The following ATP11C variants were observed in gnomAD, a reference collection of about 807,000 sequenced individuals.
The protein encoded by ATP11C is ATPase phospholipid transporting 11C (ATP11C blood group), also known as phospholipid-transporting ATPase IG.
In ATP11C, 36 loss-of-function variants were observed where a neutral mutation model predicts 97.4. The observed-to-expected ratio is 0.37, with a 90% CI of 0.28 to 0.49. ATP11C has a LOEUF of 0.49. ATP11C is among the 20% of genes least tolerant of loss of function. The pLI is 0.98. For synonymous variants in ATP11C, 275 were observed against 290.9 expected (o/e 0.95, Z 0.56); for missense variants, 730 against 824.6 (o/e 0.89, Z 1.40).
intron 12 of ATP11C, among the ~76,000 whole-genome samples, chrX:139,795,800 G>A (rs1448139384): frequency 9.0e-6 from 1 of 111,402 alleles, no homozygotes; most frequent in African/African-American, 3.3e-5. Context: ...TGAAATTCTT[G>A]TACTGGAATA....
At position 139,796,541 on chromosome X, in the gene ATP11C, A is replaced by G. The variant is rs753009877; in HGVS notation, c.1009-71T>C. 2.3e-5 allele frequency: 16 copies of G among 692,810 alleles called. No homozygotes were observed. In the African/African-American group the frequency reaches 3.3e-4, roughly 14 times the overall value. The allele number at this position is 692,810 out of a possible 1,213,427, so 57.1% of individuals were successfully genotyped here. Reference sequence around the variant, plus strand: ...TCAGACCAATATAATATAAAGGAAGAATTAATTTCATCTTTATTTCAATGC... The same window carrying G: ...TCAGACCAATATAATATAAAGGAAGGATTAATTTCATCTTTATTTCAATGC... On this transcript the variant is annotated intron_variant, in intron 11 of 29. Coordinates refer to ENST00000682941, the MANE Select transcript of ATP11C (RefSeq NM_001353812.2).
intron 1 of ATP11C, among the ~76,000 whole-genome samples, chrX:139,891,197 C>CAAAAAAAA (rs35280856): frequency 8.5e-5 from 3 of 35,494 alleles, no homozygotes; most frequent in East Asian, 1.0e-3. Flanking sequence ...AGAGATTGGC[C>CAAAAAAAA]AAAAAAAAAA....
In ATP11C at chrX:139,796,282, T is replaced by A. The variant is rs2082793070; in HGVS notation, c.1197A>T (p.Glu399Asp). ...ALVNTSDLNE[E>D]LGQVDYVFTD... The stretch of plus-strand genomic sequence containing the variant: ...AAAACAATGCTCTAACCTGACCAAG[T>A]TCTTCATTAAGGTCTGATGTGTTAA... Residue 399 changes from glutamate to aspartate, a missense_variant, in exon 12 of 30, where the codon GAA becomes GAT. Physicochemically the swap from Glu to Asp is conservative, Grantham distance 45. Coordinates refer to ENST00000682941, the MANE Select transcript of ATP11C (RefSeq NM_001353812.2). 8.4e-7 allele frequency: 1 copy of A among 1,184,885 alleles called. No homozygotes were observed. The highest frequency in any genetic ancestry group is 1.1e-6 in the Non-Finnish European group (1 of 882,565).
chrX:139,756,059 A>G (rs2081928367), intron 23 of ATP11C, among the ~76,000 whole-genome samples: 2 of 112,563 alleles, frequency 1.8e-5, no homozygotes, highest in Admixed American at 1.9e-4. Flanking sequence ...ATGGGAGAAA[A>G]TATTTACAAA....
At chrX:139,751,995 C>T (rs1349594466) in intron 23 of ATP11C, among the ~76,000 whole-genome samples, 3 of 111,640 alleles carry the variant, frequency 2.7e-5, no homozygotes, top group Non-Finnish European at 5.6e-5. Context: ...ACATTCAGCA[C>T]TAGCACAAAA....
intron 1 of ATP11C, among the ~76,000 whole-genome samples, chrX:139,926,208 AG>A (rs2085349366): frequency 9.0e-6 from 1 of 111,621 alleles, no homozygotes; most frequent in African/African-American, 3.3e-5. Context: ...CCACCTAACC[AG>A]AAAAACTCCC....
intron 1 of ATP11C, among the ~76,000 whole-genome samples, chrX:139,882,419 G>T (rs1358514730): frequency 1.8e-5 from 2 of 111,299 alleles, no homozygotes; most frequent in East Asian, 5.7e-4. Context: ...ACTGATTAAG[G>T]ACCCCATCTG....
At position 139,737,987 on chromosome X, in the gene ATP11C, G is replaced by A. The variant is rs142741321; in HGVS notation, c.3217C>T (p.Leu1073=). Residue 1073 remains leucine (L), a synonymous_variant, in exon 28 of 30, where the codon CTA becomes TTA. Coordinates refer to ENST00000682941, the MANE Select transcript of ATP11C (RefSeq NM_001353812.2). ...TCAGGGAACAGGCTGATAAATATTA[G>A]AAGAATTATAGCCAACCATGTGGAT... The part of the protein sequence containing the change: ...SVSTWLAIIL[L]IFISLFPEIL... 3 of 1,202,160 alleles carry A rather than the reference G, an allele frequency of 2.5e-6. No homozygotes were observed. Among genetic ancestry groups the A allele is most frequent in the Non-Finnish European group, 2.3e-6 (2 of 888,058 alleles).
chrX:139,768,237 C>T, intron 20 of ATP11C, 23 bp downstream of exon 20: 6 of 1,028,712 alleles, frequency 5.8e-6, no homozygotes, highest in South Asian at 3.6e-5. Flanking sequence ...CAGAATGGAA[C>T]GTTAACTAAT....
rs201052330 is a variant in ATP11C at position 139,741,027 on chromosome X, T to C, written c.3098A>G (p.Tyr1033Cys). 3 of 1,204,584 alleles carry C rather than the reference T, an allele frequency of 2.5e-6. No individual in the cohort carries two copies. The highest frequency in any genetic ancestry group is 3.5e-5 in the South Asian group (2 of 56,629). The change falls in exon 27 of 30, where the codon TAT becomes TGT. Residue 1033 changes from tyrosine (Y) to cysteine (C), a missense_variant. By Grantham distance (194) the Tyr-to-Cys change is radical. Transcript: ENST00000682941. ...TCCCCAGAAGAATGAGAAAAATACATAGAAGGCTAAAGAACCCCAAATCAC... is the reference window on the plus strand; with the variant it reads ...TCCCCAGAAGAATGAGAAAAATACACAGAAGGCTAAAGAACCCCAAATCAC... ...HFVIWGSLAFYVFFSFFWGGI... is the reference protein window; with the variant it reads ...HFVIWGSLAFCVFFSFFWGGI...
chrX:139,898,230 G>C (rs2084841879), intron 1 of ATP11C, among the ~76,000 whole-genome samples: 1 of 111,216 alleles, frequency 9.0e-6, no homozygotes, highest in Non-Finnish European at 1.9e-5. Context: ...TAGTTCTTAA[G>C]ATATCAGAAC....
At chrX:139,862,991 T>C (rs2084227427) in intron 1 of ATP11C, among the ~76,000 whole-genome samples, 1 of 111,375 alleles carries the variant, frequency 9.0e-6, no homozygotes, top group South Asian at 3.9e-4. Context: ...ACACTGTACT[T>C]TGATTTGTTC....
intron 1 of ATP11C, among the ~76,000 whole-genome samples, chrX:139,865,034 G>A (rs1358783012): frequency 1.8e-5 from 2 of 111,824 alleles, no homozygotes; most frequent in Non-Finnish European, 3.8e-5. Context: ...ACATGAGTGC[G>A]CTTACTGTGT....
At chrX:139,914,544 A>C (rs2085125973) in intron 1 of ATP11C, among the ~76,000 whole-genome samples, 1 of 112,349 alleles carries the variant, frequency 8.9e-6, no homozygotes, top group Admixed American at 9.5e-5. Context: ...GTGTCCGCCA[A>C]GGTGTTTCTG....
At chrX:139,784,269 G>T (rs1019579559) in intron 16 of ATP11C, among the ~76,000 whole-genome samples, 1 of 106,647 alleles carries the variant, frequency 9.4e-6, no homozygotes. Flanking sequence ...GAAATGTTGT[G>T]TTTTTTTTTT....
At chrX:139,792,184 A>G (rs901374827) in intron 12 of ATP11C, among the ~76,000 whole-genome samples, 1 of 110,490 alleles carries the variant, frequency 9.1e-6, no homozygotes, top group Non-Finnish European at 1.9e-5. Context: ...CACATAATGA[A>G]GCTTCCATAA....
At chrX:139,756,798 A>G (rs1057006431) in intron 23 of ATP11C, among the ~76,000 whole-genome samples, 19 of 109,676 alleles carry the variant, frequency 1.7e-4, no homozygotes, top group Non-Finnish European at 3.6e-4. Flanking sequence ...GAAGGGAACA[A>G]CAGACACTGG....
rs1301830379 is a variant in ATP11C, at chrX:139,933,004, A to G, written c.-962T>C. On this transcript the variant is annotated 5_prime_UTR_variant, in exon 1 of 30. Coordinates refer to ENST00000682941, the MANE Select transcript of ATP11C (RefSeq NM_001353812.2). ...TTCTCTCGTCCTGCCTGCCCACCTAAGCCTTCTTACTTCCACTTTCTCTGA... is the reference window on the plus strand; with the variant it reads ...TTCTCTCGTCCTGCCTGCCCACCTAGGCCTTCTTACTTCCACTTTCTCTGA... The G allele has an allele frequency of 9.0e-6, 1 of 111,571 alleles. No individual in the cohort carries two copies. Among genetic ancestry groups the G allele is most frequent in the African/African-American group, 3.3e-5 (1 of 30,679 alleles). The allele number at this position is 111,571 out of a possible 1,213,427, so 9.2% of individuals were successfully genotyped here. A position where few individuals can be genotyped will look rare whatever the true frequency, so the allele number is the denominator to read the frequency against.
chrX:139,882,998 C>T (rs2084584960), intron 1 of ATP11C, among the ~76,000 whole-genome samples: 1 of 110,725 alleles, frequency 9.0e-6, no homozygotes, highest in African/African-American at 3.3e-5. Context: ...CAGGGAGCCA[C>T]CAGAAAGTTT....
Sources: allele counts gnomAD v4.1 joint callset (sites outside exome capture counted in the v4.1 genomes callset), GRCh38; gene constraint gnomAD v4.1.1; transcripts MANE v1.5; gene names NCBI Gene and HGNC (gene_info 2026-07-23, HGNC 2026-07-21).